Variants in DNAH6 observed in about 807,000 individuals in gnomAD.
The protein encoded by DNAH6 is axonemal beta dynein heavy chain 6.
A neutral mutation model predicts 491.4 loss-of-function variants in DNAH6; 340 were observed. The ratio of observed to expected loss-of-function variants is 0.69; its 90% confidence interval spans 0.63 to 0.76. DNAH6 has a LOEUF of 0.76. Ranked by LOEUF, DNAH6 falls within the 30% of genes least tolerant of loss-of-function variation. The pLI is 0.00. For missense variants in DNAH6, 4,443 were observed against 4,972.2 expected, an observed-to-expected ratio of 0.89 and a Z score of 3.20; for synonymous variants, 1,603 against 1,686.1, an observed-to-expected ratio of 0.95 and a Z score of 1.21.
chr2:84,643,808 A>G (rs942583736), intron 33 of DNAH6, among the ~76,000 whole-genome samples: 10 of 152,114 alleles, frequency 6.6e-5, no homozygotes, highest in African/African-American at 2.4e-4. Flanking sequence ...CCTTTCACAT[A>G]TTAATCATCA....
At chr2:84,597,888 A>C (rs1004395205) in intron 18 of DNAH6, among the ~76,000 whole-genome samples, 1 of 152,188 alleles carries the variant, frequency 6.6e-6, no homozygotes, top group African/African-American at 2.4e-5. Context: ...TGGGAGGCCA[A>C]GGTGGGAGGA....
chr2:84,527,304 A>G (rs1008730493), intron 3 of DNAH6, among the ~76,000 whole-genome samples: 1 of 152,048 alleles, frequency 6.6e-6, no homozygotes, highest in Admixed American at 6.6e-5. Context: ...CCAAATCTGA[A>G]CCTATGTTAC....
At chr2:84,622,470 G>A (rs142049653) in intron 26 of DNAH6, among the ~76,000 whole-genome samples, 15 of 152,146 alleles carry the variant, frequency 9.9e-5, no homozygotes, top group African/African-American at 3.6e-4. Flanking sequence ...GCTCAGGCTG[G>A]TCTCAAAAGC....
intron 5 of DNAH6, among the ~76,000 whole-genome samples, chr2:84,545,299 T>C (rs1038633945): frequency 6.6e-6 from 1 of 152,132 alleles, no homozygotes; most frequent in East Asian, 1.9e-4. Context: ...AAGACAAATA[T>C]ATAAGAGGGA....
rs1487983462 is a variant in DNAH6, at chr2:84,685,597, G to T, written c.7063+125G>T. 8.5e-5 allele frequency: 39 copies of T among 460,212 alleles called. 1 individual carries two copies. The highest frequency in any genetic ancestry group is 1.3e-4 in the Non-Finnish European group (36 of 270,522). The allele number at this position is 460,212 out of a possible 1,614,324, so 28.5% of individuals were successfully genotyped here. ...TGAGTAAAAGTTATTTTCTTTGATG[G>T]TTCAAATATATATTAAAATATATGA... On this transcript the variant is annotated intron_variant, in intron 43 of 76. Coordinates refer to ENST00000389394, the MANE Select transcript of DNAH6 (RefSeq NM_001370.2).
At chr2:84,522,609 T>C (rs989423274) in intron 2 of DNAH6, among the ~76,000 whole-genome samples, 1 of 152,108 alleles carries the variant, frequency 6.6e-6, no homozygotes, top group Non-Finnish European at 1.5e-5. Context: ...TGGCTGTGAG[T>C]AATATATGGC....
intron 41 of DNAH6, 118 bp downstream of exon 41, chr2:84,677,254 T>C: frequency 7.4e-7 from 1 of 1,356,684 alleles, no homozygotes; most frequent in Non-Finnish European, 1.0e-6. Context: ...GTCTCTTTCC[T>C]GAGCAGGAAG....
chr2:84,653,472 A>G lies in DNAH6; in HGVS notation c.5232A>G (p.Leu1744=), dbSNP rs573582854. ...RKVIQFYETM[L]VRHGVMLVGP... ...TGATACAGTTTTATGAAACTATGCT[A>G]GTAAGGCATGGTGTTATGTTAGTCG... Residue 1744 remains leucine, a synonymous_variant, in exon 34 of 77, where the codon CTA becomes CTG. Coordinates refer to ENST00000389394, the MANE Select transcript of DNAH6 (RefSeq NM_001370.2). 7.1e-6 allele frequency: 11 copies of G among 1,551,176 alleles called. No homozygotes were observed. The highest frequency in any genetic ancestry group is 2.4e-5 in the East Asian group (1 of 40,918).
At chr2:84,720,267 CTTTTTTTT>C (rs56944137) in intron 59 of DNAH6, among the ~76,000 whole-genome samples, 2 of 49,524 alleles carry the variant, frequency 4.0e-5, no homozygotes, top group African/African-American at 7.4e-5. Flanking sequence ...AAGAGTGCTT[CTTTTTTTT>C]TTTTTTTTTT....
At chr2:84,621,579 T>C (rs774989074) in intron 26 of DNAH6, 28 bp downstream of exon 26, 3 of 1,402,714 alleles carry the variant, frequency 2.1e-6, no homozygotes, top group Non-Finnish European at 2.9e-6. Flanking sequence ...GTGACATTGT[T>C]GTCCTGCAAG....
In DNAH6 at chr2:84,666,510, A is replaced by G. The variant is rs566195583; in HGVS notation, c.6085-2779A>G. On this transcript the variant is annotated intron_variant, in intron 37 of 76. Transcript: ENST00000389394. Reference sequence around the variant, plus strand: ...GTGAGCTCCCATTCACAATTGCTTCAAAGAGAATAAAATACCTAGGAATCC... The same window carrying G: ...GTGAGCTCCCATTCACAATTGCTTCGAAGAGAATAAAATACCTAGGAATCC... Among the ~76,000 whole-genome samples the G allele has an allele frequency of 2.0e-4, 30 of 152,272 alleles. No individual in the cohort carries two copies. In the South Asian group the frequency reaches 2.7e-3, roughly 14 times the overall value.
At chr2:84,669,219 A>T in intron 37 of DNAH6, 70 bp from the exon 38 acceptor site, 1 of 1,194,118 alleles carries the variant, frequency 8.4e-7, no homozygotes, top group Non-Finnish European at 1.2e-6. Flanking sequence ...TTTCTATGTG[A>T]GTGTATCTAC....
At chr2:84,791,415 A>C (rs1677729214) in intron 68 of DNAH6, among the ~76,000 whole-genome samples, 1 of 151,822 alleles carries the variant, frequency 6.6e-6, no homozygotes, top group African/African-American at 2.4e-5. Flanking sequence ...TGCTAAGTAA[A>C]AGAAGCCAGA....
At chr2:84,617,205 A>AT (rs11370160) in intron 23 of DNAH6, among the ~76,000 whole-genome samples, 20,801 of 151,804 alleles carry the variant, frequency 0.14, 2,197 homozygotes, top group African/African-American at 0.3. Context: ...TGCTGAAACA[A>AT]TTTTTTTTAT....
At chr2:84,628,636 A>G (rs1465235494) in intron 29 of DNAH6, among the ~76,000 whole-genome samples, 1 of 152,178 alleles carries the variant, frequency 6.6e-6, no homozygotes, top group Non-Finnish European at 1.5e-5. Context: ...TATCTGATTT[A>G]CCTTCCCAGC....
In DNAH6 at chr2:84,710,384, G is replaced by T. The variant is rs992951674; in HGVS notation, c.9350G>T (p.Arg3117Leu). ...NFLRILENSI[R>L]LGLPVLLEEL... is the part of the protein sequence containing the mutation. ...TTACGAATACTCGAGAATTCAATCCGACTTGGTTTACCTGTCTTACTGGAA... is the reference window on the plus strand; with the variant it reads ...TTACGAATACTCGAGAATTCAATCCTACTTGGTTTACCTGTCTTACTGGAA... The change falls in exon 56 of 77, where the codon CGA (arginine) becomes CTA (leucine). Residue 3117 changes from arginine (R) to leucine (L), a missense_variant. Around this residue, in one of 3 missense-constraint regions of DNAH6, gnomAD observed 1,463 missense variants for 1,656.6 expected, o/e 0.88. Transcript: ENST00000389394. 7.1e-6 allele frequency: 11 copies of T among 1,551,688 alleles called. No homozygotes were observed. Among genetic ancestry groups the T allele is most frequent in the Non-Finnish European group, 9.6e-6 (11 of 1,146,948 alleles).
intron 18 of DNAH6, among the ~76,000 whole-genome samples, chr2:84,603,003 G>A (rs774793934): frequency 6.6e-6 from 1 of 151,518 alleles, no homozygotes; most frequent in Non-Finnish European, 1.5e-5. Flanking sequence ...TTTCCCAACT[G>A]ATTTTGCTTT....
intron 59 of DNAH6, among the ~76,000 whole-genome samples, chr2:84,720,628 A>G (rs1698048616): frequency 6.6e-6 from 1 of 152,144 alleles, no homozygotes. Context: ...TTATTTTTAT[A>G]AATCGGGTGA....
chr2:84,485,075 A>G, the DNAH6 span, among the ~76,000 whole-genome samples: 6 of 152,222 alleles, frequency 3.9e-5, no homozygotes, highest in Non-Finnish European at 8.8e-5. Context: ...AATAACTGTA[A>G]AAGTATGACA....
Sources: allele counts gnomAD v4.1 joint callset (sites outside exome capture counted in the v4.1 genomes callset), GRCh38; gene constraint gnomAD v4.1.1; regional missense constraint gnomAD v4.1.1; transcripts MANE v1.5; gene names NCBI Gene and HGNC (gene_info 2026-07-23, HGNC 2026-07-21).